Variants in ZNF74 observed in about 807,000 individuals in gnomAD.
ZNF74 encodes zinc finger protein 520.
In ZNF74, 12 loss-of-function variants were observed where a neutral mutation model predicts 17.7. The ratio of observed to expected loss-of-function variants is 0.68; its 90% CI spans 0.43 to 1.10. The LOEUF (loss-of-function observed/expected upper bound fraction) is 1.10, where lower values mean the gene tolerates loss of function less well. Ranked by LOEUF, ZNF74 falls within the 50% of genes least tolerant of loss-of-function variation. ZNF74 has a pLI of 0.00. For synonymous variants in ZNF74, 358 were observed against 362.1 expected (o/e 0.99, Z 0.13); for missense variants, 811 against 881.0 (o/e 0.92, Z 1.01).
In ZNF74 at chr22:20,405,729, C is replaced by A. The variant is rs2052410336; in HGVS notation, c.696C>A (p.Phe232Leu). 1 of 1,602,852 alleles carries A rather than the reference C, an allele frequency of 6.2e-7. No individual in the cohort carries two copies. The highest frequency in any genetic ancestry group is 8.5e-7 in the Non-Finnish European group (1 of 1,175,188). ...NASTPSEPEK[F>L]PQVRRQRGAG... The stretch of plus-strand genomic sequence containing the variant: ...CCACGCCAAGTGAGCCAGAAAAGTT[C>A]CCCCAGGTGCGCCGGCAGCGCGGGG... The change falls in exon 5 of 5, where the codon TTC becomes TTA. Residue 232 changes from phenylalanine (F) to leucine (L), a missense_variant. Coordinates refer to ENST00000400451, the MANE Select transcript of ZNF74 (RefSeq NM_003426.4).
chr22:20,399,773 C>T (rs2052337165), intron 2 of ZNF74: 1 of 208,534 alleles, frequency 4.8e-6, no homozygotes, highest in Non-Finnish European at 9.9e-6. Flanking sequence ...TTTTCTATGT[C>T]TTATGTCTTT....
rs750146411 is a variant in ZNF74 at position 20,406,961 on chromosome 22, G to C, written c.1928G>C (p.Arg643Pro). ...AATTTCTCCCTGGGGAGCAAACCTCGAAACTAACATGATGTGCTTTGGTGT... is the reference window on the plus strand; with the variant it reads ...AATTTCTCCCTGGGGAGCAAACCTCCAAACTAACATGATGTGCTTTGGTGT... ...GRNFSLGSKP[R>P]N The change falls in exon 5 of 5, where the codon CGA becomes CCA. Residue 643 changes from arginine to proline, a missense_variant. Arg to Pro is a moderately radical substitution (Grantham distance 103). Transcript: ENST00000400451. The C allele has an allele frequency of 6.8e-6, 11 of 1,611,152 alleles. No homozygotes were observed. The African/African-American group carries it at 1.1e-4, about 16-fold the overall frequency.
intron 2 of ZNF74, among the ~76,000 whole-genome samples, chr22:20,396,259 G>C (rs2146089215): frequency 6.6e-6 from 1 of 151,970 alleles, no homozygotes; most frequent in East Asian, 1.9e-4. Context: ...TGCAAAACGT[G>C]TATTGTGAGC....
chr22:20,401,260 T>G lies in ZNF74; in HGVS notation c.248-17T>G, dbSNP rs1324145358. 17 of 1,593,034 alleles carry G rather than the reference T, an allele frequency of 1.1e-5. No individual in the cohort carries two copies. The highest frequency in any genetic ancestry group is 1.5e-5 in the Non-Finnish European group (17 of 1,164,792). On this transcript the variant is annotated splice_polypyrimidine_tract_variant and intron_variant, in intron 3 of 4. Transcript: ENST00000400451. This position sits in a 1 kb window ranked among gnomAD's most constrained non-coding sequence, Gnocchi z 4.2. Reference sequence around the variant, plus strand: ...GAGAGCTGCAGCATGCCCAGCCCACTTTCTCTCCACGAGCAGGACCTCCAC... The same window carrying G: ...GAGAGCTGCAGCATGCCCAGCCCACGTTCTCTCCACGAGCAGGACCTCCAC...
rs2052357933 is a variant in ZNF74 at position 20,401,570 on chromosome 22, A to G, written c.343+198A>G. 6.6e-6 allele frequency among the ~76,000 whole-genome samples: 1 copy of G among 152,146 alleles called. No individual in the cohort carries two copies. The highest frequency in any genetic ancestry group is 3.2e-3 in the Middle Eastern group (1 of 316). On this transcript the variant is annotated intron_variant, in intron 4 of 4. Transcript: ENST00000400451. The surrounding 1 kb of genome is among the most constrained non-coding windows in gnomAD (Gnocchi z 4.2). ...GCTGAGACCTGTTCTGGGATACAAC[A>G]GGGAACAAACCTGGCCACTGGGACC...
intron 4 of ZNF74, among the ~76,000 whole-genome samples, chr22:20,403,806 A>G (rs2052384090): frequency 1.3e-5 from 2 of 151,504 alleles, no homozygotes; most frequent in South Asian, 2.1e-4. Context: ...AAGACACCAT[A>G]TGATCACATC....
In ZNF74 at chr22:20,405,937, A is replaced by G; in HGVS notation, c.904A>G (p.Lys302Glu). 6.2e-7 allele frequency: 1 copy of G among 1,613,482 alleles called. No individual in the cohort carries two copies. Among genetic ancestry groups the G allele is most frequent in the Non-Finnish European group, 8.5e-7 (1 of 1,179,832 alleles). The change falls in exon 5 of 5, where the codon AAG (lysine) becomes GAG (glutamate). Residue 302 changes from lysine to glutamate, a missense_variant. Physicochemically the swap from Lys to Glu is moderately conservative, Grantham distance 56. Around this residue, in one of 3 missense-constraint regions of ZNF74, gnomAD observed 666 missense variants for 702.3 expected, o/e 0.95. Transcript: ENST00000400451. Reference sequence around the variant, plus strand: ...GCACCGGCGCATCCACACCGGCGAGAAGCCCTTCTTCTGCGGCGAGTGCGG... The same window carrying G: ...GCACCGGCGCATCCACACCGGCGAGGAGCCCTTCTTCTGCGGCGAGTGCGG... ...LEHRRIHTGE[K>E]PFFCGECGKA...
chr22:20,394,520 C>T lies in ZNF74; in HGVS notation c.-109C>T. 8.3e-7 allele frequency: 1 copy of T among 1,203,596 alleles called. No homozygotes were observed. The highest frequency in any genetic ancestry group is 1.2e-6 in the Non-Finnish European group (1 of 831,636). 74.6% of individuals were successfully genotyped at this position (1,203,596 alleles called of 1,614,324 possible). On this transcript the variant is annotated 5_prime_UTR_variant, in exon 1 of 5. Coordinates refer to ENST00000400451, the MANE Select transcript of ZNF74 (RefSeq NM_003426.4). Reference sequence around the variant, plus strand: ...AGCGCGTGGCCGCCCCGCGGGGCTCCGCTGCAGGCCCCTCAGCCCCAGGAG... The same window carrying T: ...AGCGCGTGGCCGCCCCGCGGGGCTCTGCTGCAGGCCCCTCAGCCCCAGGAG...
chr22:20,394,520 C>A lies in ZNF74; in HGVS notation c.-109C>A. ...AGCGCGTGGCCGCCCCGCGGGGCTC[C>A]GCTGCAGGCCCCTCAGCCCCAGGAG... On this transcript the variant is annotated 5_prime_UTR_variant, in exon 1 of 5. Transcript: ENST00000400451. The A allele has an allele frequency of 1.7e-6, 2 of 1,203,602 alleles. No individual in the cohort carries two copies. The highest frequency in any genetic ancestry group is 1.2e-6 in the Non-Finnish European group (1 of 831,642). The allele number at this position is 1,203,602 out of a possible 1,614,324, so 74.6% of individuals were successfully genotyped here. A position where few individuals can be genotyped will look rare whatever the true frequency, so the allele number is the denominator to read the frequency against.
chr22:20,402,942 A>C (rs1307149006), intron 4 of ZNF74, among the ~76,000 whole-genome samples: 1 of 152,178 alleles, frequency 6.6e-6, no homozygotes, highest in East Asian at 1.9e-4. Context: ...ATTGCACTCC[A>C]GCCTGTGTGA....
chr22:20,405,594 CCAG>C lies in ZNF74; in HGVS notation c.564_566del (p.Gln189del). On this transcript the variant is annotated inframe_deletion, in exon 5 of 5. Coordinates refer to ENST00000400451, the MANE Select transcript of ZNF74 (RefSeq NM_003426.4). ...TCCCCCTCAGGTGTCCCCTCTTCGCCCAGCAACGCGTTCCCGAGGGGGGACCCT... is the reference window on the plus strand; with the variant it reads ...TCCCCCTCAGGTGTCCCCTCTTCGCCCAACGCGTTCCCGAGGGGGGACCCT... 6.2e-7 allele frequency: 1 copy of C among 1,613,022 alleles called. No individual in the cohort carries two copies. Among genetic ancestry groups the C allele is most frequent in the East Asian group, 2.2e-5 (1 of 44,818 alleles).
rs781473080 is a variant in ZNF74, at chr22:20,405,740, G to T, written c.707G>T (p.Arg236Leu). Residue 236 changes from arginine to leucine, a missense_variant, in exon 5 of 5, where the codon CGC (arginine) becomes CTC (leucine). This residue lies in a region of ZNF74 where 666 missense variants were observed against 702.3 expected (regional missense o/e 0.95). Transcript: ENST00000400451. ...PSEPEKFPQVRRQRGAGAGEG... is the reference protein window; with the variant it reads ...PSEPEKFPQVLRQRGAGAGEG... ...GAGCCAGAAAAGTTCCCCCAGGTGC[G>T]CCGGCAGCGCGGGGCGGGCGCCGGG... 25 of 1,603,990 alleles carry T rather than the reference G, an allele frequency of 1.6e-5. No individual in the cohort carries two copies. The highest frequency in any genetic ancestry group is 1.0e-4 in the South Asian group (9 of 90,264).
intron 2 of ZNF74, 86 bp from the exon 3 acceptor site, chr22:20,400,545 AC>A (rs1449755994): frequency 5.2e-6 from 8 of 1,550,120 alleles, no homozygotes; most frequent in East Asian, 4.5e-5. Flanking sequence ...TTAACCCTTT[AC>A]TTGTAGGGTC....
In ZNF74 at chr22:20,401,414, C is replaced by T. The variant is rs1308572487; in HGVS notation, c.343+42C>T. On this transcript the variant is annotated intron_variant, in intron 4 of 4. Transcript: ENST00000400451. This position sits in a 1 kb window ranked among gnomAD's most constrained non-coding sequence, Gnocchi z 4.2. The stretch of plus-strand genomic sequence containing the variant: ...GTGGAAGGGTGCCAGCCCCAGCACC[C>T]CTGGTGGCACCTCCTCCTATGGCCC... 6.2e-6 allele frequency: 8 copies of T among 1,285,016 alleles called. No individual in the cohort carries two copies. The highest frequency in any genetic ancestry group is 8.8e-6 in the Non-Finnish European group (8 of 904,284). 79.6% of individuals were successfully genotyped at this position (1,285,016 alleles called of 1,614,324 possible). A position where few individuals can be genotyped will look rare whatever the true frequency, so the allele number is the denominator to read the frequency against.
chr22:20,394,548 G>A lies in ZNF74; in HGVS notation c.-81G>A, dbSNP rs2052269604. The A allele has an allele frequency of 1.3e-6, 2 of 1,484,652 alleles. No individual in the cohort carries two copies. Among genetic ancestry groups the A allele is most frequent in the Non-Finnish European group, 9.4e-7 (1 of 1,063,950 alleles). The allele number at this position is 1,484,652 out of a possible 1,614,324, so 92.0% of individuals were successfully genotyped here. A position where few individuals can be genotyped will look rare whatever the true frequency, so the allele number is the denominator to read the frequency against. On this transcript the variant is annotated 5_prime_UTR_variant, in exon 1 of 5. Coordinates refer to ENST00000400451, the MANE Select transcript of ZNF74 (RefSeq NM_003426.4). Reference sequence around the variant, plus strand: ...TGCAGGCCCCTCAGCCCCAGGAGCAGTACTCGCTCTTCAGGGCCTGCCCTG... The same window carrying A: ...TGCAGGCCCCTCAGCCCCAGGAGCAATACTCGCTCTTCAGGGCCTGCCCTG...
Position 20,406,145 on chromosome 22 carries a change from A to G in ZNF74, c.1112A>G (p.Gln371Arg), listed in dbSNP as rs201293900. The change falls in exon 5 of 5, where the codon CAG (glutamine) becomes CGG (arginine). Residue 371 changes from glutamine (Q) to arginine (R), a missense_variant. Physicochemically the swap from Gln to Arg is conservative, Grantham distance 43. Transcript: ENST00000400451. ...GGCGAGTGCGGCAAGGCCTTCAACC[A>G]GCGTACACACCTCACACGCCACCAC... Reference protein sequence around the residue: ...RCGECGKAFNQRTHLTRHHRI... With the variant: ...RCGECGKAFNRRTHLTRHHRI... The G allele has an allele frequency of 1.6e-5, 26 of 1,607,868 alleles. No homozygotes were observed. The highest frequency in any genetic ancestry group is 2.1e-5 in the Non-Finnish European group (25 of 1,178,384).
chr22:20,394,529 C>G lies in ZNF74; in HGVS notation c.-100C>G. The G allele has an allele frequency of 7.7e-7, 1 of 1,295,480 alleles. No individual in the cohort carries two copies. The highest frequency in any genetic ancestry group is 1.1e-6 in the Non-Finnish European group (1 of 903,998). The allele number at this position is 1,295,480 out of a possible 1,614,324, so 80.2% of individuals were successfully genotyped here. On this transcript the variant is annotated 5_prime_UTR_variant, in exon 1 of 5. Coordinates refer to ENST00000400451, the MANE Select transcript of ZNF74 (RefSeq NM_003426.4). ...CCGCCCCGCGGGGCTCCGCTGCAGG[C>G]CCCTCAGCCCCAGGAGCAGTACTCG...
rs766509660 is a variant in ZNF74, at chr22:20,405,611, AG to A, written c.584del (p.Gly195AspfsTer416). ...CTCTTCGCCCAGCAACGCGTTCCCG[AG>A]GGGGGACCCTTGCTGGACACACGCA... is the stretch of plus-strand genomic sequence containing the variant. ...CPLFAQQRVP[E>X]GGPLLDTRKN... On this transcript the variant is annotated frameshift_variant, in exon 5 of 5. Transcript: ENST00000400451. LOFTEE classifies it low-confidence loss of function (END_TRUNC). 2 of 1,613,250 alleles carry A rather than the reference AG, an allele frequency of 1.2e-6. No homozygotes were observed. The highest frequency in any genetic ancestry group is 1.1e-5 in the South Asian group (1 of 91,016).
At position 20,405,671 on chromosome 22, in the gene ZNF74, C is replaced by T. The variant is rs1308731607; in HGVS notation, c.638C>T (p.Ala213Val). The change falls in exon 5 of 5, where the codon GCC becomes GTC. Residue 213 changes from alanine (A) to valine (V), a missense_variant. By Grantham distance (64) the Ala-to-Val change is moderately conservative. Coordinates refer to ENST00000400451, the MANE Select transcript of ZNF74 (RefSeq NM_003426.4). ...CAGGCCACTGAGGGCAGAACCAAGG[C>T]CCCCGCGAGACTGTGTGCAGGGGAA... ...NVQATEGRTK[A>V]PARLCAGENA... The T allele has an allele frequency of 6.2e-7, 1 of 1,610,810 alleles. No homozygotes were observed. The highest frequency in any genetic ancestry group is 1.7e-5 in the Admixed American group (1 of 59,606).
Sources: allele counts gnomAD v4.1 joint callset (sites outside exome capture counted in the v4.1 genomes callset), GRCh38; gene constraint gnomAD v4.1.1; regional missense constraint gnomAD v4.1.1; non-coding constraint Gnocchi (gnomAD v3.1); transcripts MANE v1.5; gene names NCBI Gene and HGNC (gene_info 2026-07-23, HGNC 2026-07-21).